Variants in PIK3CD observed in about 807,000 individuals in gnomAD.
The protein encoded by PIK3CD is phosphatidylinositol-4,5-bisphosphate 3-kinase catalytic subunit delta, also known as phosphatidylinositol 4,5-bisphosphate 3-kinase catalytic subunit delta isoform.
PIK3CD carries 20 observed loss-of-function variants against 122.9 expected under a neutral mutation model. The observed-to-expected ratio is 0.16, with a 90% CI of 0.11 to 0.24. The LOEUF (loss-of-function observed/expected upper bound fraction) is 0.24, where lower values mean the gene tolerates loss of function less well. Ranked by LOEUF, PIK3CD falls within the 10% of genes least tolerant of loss-of-function variation. The pLI is 1.00. For missense variants in PIK3CD, 787 were observed against 1,406.3 expected, an observed-to-expected ratio of 0.56 and a Z score of 7.04; for synonymous variants, 596 against 593.4, an observed-to-expected ratio of 1.00 and a Z score of -0.06.
At chr1:9,671,783 C>T (rs1298378636) in intron 1 of PIK3CD, among the ~76,000 whole-genome samples, 1 of 152,156 alleles carries the variant, frequency 6.6e-6, no homozygotes, top group Non-Finnish European at 1.5e-5. Flanking sequence ...TAGGAAGGAG[C>T]TTGGGTATCT....
chr1:9,696,806 A>T (rs1227217729), intron 2 of PIK3CD, among the ~76,000 whole-genome samples: 1 of 151,688 alleles, frequency 6.6e-6, no homozygotes, highest in Non-Finnish European at 1.5e-5. Flanking sequence ...TTATTTAGAA[A>T]TATCAAGGTC....
intron 1 of PIK3CD, among the ~76,000 whole-genome samples, chr1:9,670,767 G>T (rs919520307): frequency 2.0e-5 from 3 of 151,250 alleles, no homozygotes; most frequent in East Asian, 1.9e-4. Context: ...TTTGTTTTTG[G>T]TTTTTTTTTA....
At chr1:9,633,046 A>G in the PIK3CD span, among the ~76,000 whole-genome samples, 1 of 151,900 alleles carries the variant, frequency 6.6e-6, no homozygotes, top group African/African-American at 2.4e-5. Flanking sequence ...TATTTTTAGT[A>G]GAGACGAGGT....
In PIK3CD at chr1:9,715,393, C is replaced by T; in HGVS notation, c.142-148C>T. 1.5e-6 allele frequency: 1 copy of T among 683,830 alleles called. No individual in the cohort carries two copies. 42.4% of individuals were successfully genotyped at this position (683,830 alleles called of 1,614,324 possible). On this transcript the variant is annotated intron_variant, in intron 3 of 23. Transcript: ENST00000377346. This position sits in a 1 kb window ranked among gnomAD's most constrained non-coding sequence, Gnocchi z 4.1. ...CCACCCATGGTCAGCACCCAGGGGG[C>T]TGCAGAGAGTGCAGATCTTGGGGTC...
chr1:9,674,805 GC>G lies in PIK3CD; in HGVS notation c.-137-16661del, dbSNP rs543388296. ...CCAGCACTTTGGAAGGCTGAGGTGG[GC>G]AGATTGCTTGAACTCAGGAGTTTGA... On this transcript the variant is annotated intron_variant, in intron 1 of 23. Transcript: ENST00000377346. Among the ~76,000 whole-genome samples, 419 of 152,070 alleles carry G rather than the reference GC, an allele frequency of 2.8e-3. 1 individual carries two copies. Among genetic ancestry groups the G allele is most frequent in the Admixed American group, 4.2e-3 (64 of 15,242 alleles).
chr1:9,653,751 C>T, intron 1 of PIK3CD: 7 of 1,312,590 alleles, frequency 5.3e-6, no homozygotes, highest in South Asian at 2.3e-5. Flanking sequence ...ATGCCAACCC[C>T]TTAGCATTTC....
intron 1 of PIK3CD, among the ~76,000 whole-genome samples, chr1:9,662,856 T>C (rs1392460481): frequency 6.6e-6 from 1 of 152,056 alleles, no homozygotes; most frequent in African/African-American, 2.4e-5. Context: ...GCCTGGCTAA[T>C]TTTTGTATTT....
chr1:9,635,665 C>T, the PIK3CD span, among the ~76,000 whole-genome samples: 28 of 152,214 alleles, frequency 1.8e-4, no homozygotes, highest in Non-Finnish European at 2.8e-4. Flanking sequence ...CATGTGGATG[C>T]GTGGGGGATC....
At chr1:9,681,737 G>A (rs1013802063) in intron 1 of PIK3CD, among the ~76,000 whole-genome samples, 2 of 152,158 alleles carry the variant, frequency 1.3e-5, no homozygotes, top group African/African-American at 4.8e-5. Flanking sequence ...TAATGTTAAA[G>A]GTGCTATCCC....
At chr1:9,647,305 G>T (rs1332338146), upstream of PIK3CD, among the ~76,000 whole-genome samples, 1 of 150,878 alleles carries the variant, frequency 6.6e-6, no homozygotes, top group East Asian at 2.0e-4. Flanking sequence ...GAGATGGGAG[G>T]GTCACTTGGG....
At chr1:9,632,851 C>T in the PIK3CD span, among the ~76,000 whole-genome samples, 1 of 146,476 alleles carries the variant, frequency 6.8e-6, no homozygotes, top group African/African-American at 2.5e-5. Flanking sequence ...ATTACCTTAG[C>T]AACCTGATTC....
chr1:9,632,996 A>G, the PIK3CD span, among the ~76,000 whole-genome samples: 5 of 150,136 alleles, frequency 3.3e-5, no homozygotes, highest in East Asian at 1.0e-3. Context: ...TGAGTAGCTG[A>G]GACTACAGGT....
rs1029330157 is a variant in PIK3CD, at chr1:9,689,718, C to T, written c.-137-1749C>T. Among the ~76,000 whole-genome samples the T allele has an allele frequency of 6.6e-6, 1 of 151,562 alleles. No individual in the cohort carries two copies. Among genetic ancestry groups the T allele is most frequent in the Non-Finnish European group, 1.5e-5 (1 of 67,776 alleles). ...TCGGGCCCCGCCCCCGGCAGCGACA[C>T]CCGGTACGGAGCCCACCTGTGCGGG... On this transcript the variant is annotated intron_variant, in intron 1 of 23. Transcript: ENST00000377346. This position sits in a 1 kb window ranked among gnomAD's most constrained non-coding sequence, Gnocchi z 6.1.
In PIK3CD at chr1:9,724,259, C is replaced by A. The variant is rs752111468; in HGVS notation, c.2719-17C>A. On this transcript the variant is annotated splice_polypyrimidine_tract_variant and intron_variant, in intron 21 of 23. Transcript: ENST00000377346. The surrounding 1 kb of genome is among the most constrained non-coding windows in gnomAD (Gnocchi z 7.3). ...TGACACCTTCTCAATCCTCCCCCTC[C>A]TCTCCCCTCCCCTCAGCTGTTCCAC... 2.5e-6 allele frequency: 4 copies of A among 1,614,026 alleles called. No individual in the cohort carries two copies. Among genetic ancestry groups the A allele is most frequent in the Non-Finnish European group, 3.4e-6 (4 of 1,179,988 alleles).
Position 9,689,397 on chromosome 1 carries a change from C to A in PIK3CD, c.-137-2070C>A, listed in dbSNP as rs920863929. Among the ~76,000 whole-genome samples, 18 of 151,632 alleles carry A rather than the reference C, an allele frequency of 1.2e-4. No homozygotes were observed. The highest frequency in any genetic ancestry group is 2.7e-4 in the Non-Finnish European group (18 of 67,820). Reference sequence around the variant, plus strand: ...TCTCCGCCGCCCGTGTGAGCTCGGGCGCTTCTCCCGGCTGGGGGTGTGAGA... The same window carrying A: ...TCTCCGCCGCCCGTGTGAGCTCGGGAGCTTCTCCCGGCTGGGGGTGTGAGA... On this transcript the variant is annotated intron_variant, in intron 1 of 23. Coordinates refer to ENST00000377346, the MANE Select transcript of PIK3CD (RefSeq NM_005026.5). The surrounding 1 kb of genome is among the most constrained non-coding windows in gnomAD (Gnocchi z 6.1).
In PIK3CD at chr1:9,672,019, AG is replaced by A. The variant is rs932404351; in HGVS notation, c.-137-19443del. Among the ~76,000 whole-genome samples the A allele has an allele frequency of 9.9e-5, 15 of 152,172 alleles. No individual in the cohort carries two copies. The South Asian group carries it at 1.0e-3, about 11-fold the overall frequency. On this transcript the variant is annotated intron_variant, in intron 1 of 23. Coordinates refer to ENST00000377346, the MANE Select transcript of PIK3CD (RefSeq NM_005026.5). Reference sequence around the variant, plus strand: ...AGGAGCCCTTGTGCTGCGGGTTCCCAGGGGGAGTGGGTAGGAGATGGCCGGG... The same window carrying A: ...AGGAGCCCTTGTGCTGCGGGTTCCCAGGGGAGTGGGTAGGAGATGGCCGGG...
intron 1 of PIK3CD, among the ~76,000 whole-genome samples, chr1:9,678,516 TCCTAA>T (rs1199491055): frequency 2.0e-5 from 3 of 152,088 alleles, no homozygotes; most frequent in African/African-American, 7.2e-5. Context: ...ACCCAGTGGT[TCCTAA>T]CCTGTCTCAG....
In PIK3CD at chr1:9,689,778, C is replaced by T. The variant is rs1465460593; in HGVS notation, c.-137-1689C>T. Among the ~76,000 whole-genome samples, 1 of 151,790 alleles carries T rather than the reference C, an allele frequency of 6.6e-6. No individual in the cohort carries two copies. Among genetic ancestry groups the T allele is most frequent in the Non-Finnish European group, 1.5e-5 (1 of 67,854 alleles). On this transcript the variant is annotated intron_variant, in intron 1 of 23. Coordinates refer to ENST00000377346, the MANE Select transcript of PIK3CD (RefSeq NM_005026.5). This position sits in a 1 kb window ranked among gnomAD's most constrained non-coding sequence, Gnocchi z 6.1. ...GGTCCCCGTGCCCCGCCCCCAGCCCCGCCGGGCGTCCCACCCCGCCCAGCC... is the reference window on the plus strand; with the variant it reads ...GGTCCCCGTGCCCCGCCCCCAGCCCTGCCGGGCGTCCCACCCCGCCCAGCC...
At chr1:9,638,120 A>AAATAAATAAATAAATG in the PIK3CD span, among the ~76,000 whole-genome samples, 11 of 151,958 alleles carry the variant, frequency 7.2e-5, no homozygotes, top group African/African-American at 2.7e-4. Flanking sequence ...ATAAATAAAT[A>AAATAAATAAATAAATG]AATAAATAAA....
Sources: allele counts gnomAD v4.1 joint callset (sites outside exome capture counted in the v4.1 genomes callset), GRCh38; gene constraint gnomAD v4.1.1; non-coding constraint Gnocchi (gnomAD v3.1); transcripts MANE v1.5; gene names NCBI Gene and HGNC (gene_info 2026-07-23, HGNC 2026-07-21).